The following AAGAB variants were observed in gnomAD, a reference collection of about 807,000 sequenced individuals.
The protein encoded by AAGAB is alpha- and gamma-adaptin-binding protein p34.
In AAGAB, 38 loss-of-function variants were observed where a neutral mutation model predicts 44.1. The observed-to-expected ratio is 0.86, with a 90% CI of 0.67 to 1.13. The LOEUF (loss-of-function observed/expected upper bound fraction) is 1.13. Ranked by LOEUF, AAGAB falls within the 50% of genes most tolerant of loss-of-function variation. The probability of loss-of-function intolerance (pLI) is 0.00; values close to 1 mark genes in which losing one functional copy is unlikely to be tolerated. For synonymous variants in AAGAB, 131 were observed against 131.8 expected (o/e 0.99, Z 0.04); for missense variants, 450 against 373.8 (o/e 1.20, Z -1.68).
At chr15:67,223,958 T>C (rs1411462668) in intron 5 of AAGAB, among the ~76,000 whole-genome samples, 1 of 152,176 alleles carries the variant, frequency 6.6e-6, no homozygotes, top group Non-Finnish European at 1.5e-5. Context: ...CTCATCTCCT[T>C]GCTCAAATCT....
In AAGAB at chr15:67,231,726, T is replaced by C. The variant is rs1027569340; in HGVS notation, c.535+88A>G. ...TTGGAACAAATCTACAGATTTCATA[T>C]AGCACTAATGGTTCCACATATATCT... is the stretch of plus-strand genomic sequence containing the variant. On this transcript the variant is annotated intron_variant, in intron 5 of 9. Coordinates refer to ENST00000261880, the MANE Select transcript of AAGAB (RefSeq NM_024666.5). 10 of 1,036,196 alleles carry C rather than the reference T, an allele frequency of 9.7e-6. No individual in the cohort carries two copies. The African/African-American group carries it at 1.6e-4, about 17-fold the overall frequency. The allele number at this position is 1,036,196 out of a possible 1,614,324, so 64.2% of individuals were successfully genotyped here.
upstream of AAGAB, chr15:67,254,690 G>A: frequency 6.5e-7 from 1 of 1,533,416 alleles, no homozygotes; most frequent in Non-Finnish European, 8.9e-7. Flanking sequence ...CTGCACCACG[G>A]CCGCCGGCGC....
chr15:67,254,840 A>G (rs931169918), upstream of AAGAB: 3 of 1,562,364 alleles, frequency 1.9e-6, no homozygotes, highest in East Asian at 2.3e-5. Context: ...CTCCGGCTGA[A>G]GGTTTCCGTG....
Position 67,254,633 on chromosome 15 carries a change from G to C in AAGAB, c.-2C>G, listed in dbSNP as rs759522737. 10 of 1,592,132 alleles carry C rather than the reference G, an allele frequency of 6.3e-6. No homozygotes were observed. The African/African-American group carries it at 1.1e-4, about 17-fold the overall frequency. On this transcript the variant is annotated 5_prime_UTR_variant, in exon 1 of 10. Transcript: ENST00000261880. ...CGCACAGGGTACGCCAGCAGCCATA[G>C]CTGCGCTCGCGAGCCGGTTCCGTCA...
chr15:67,216,766 GA>G (rs201213148), intron 5 of AAGAB, among the ~76,000 whole-genome samples: 52 of 144,052 alleles, frequency 3.6e-4, no homozygotes, highest in African/African-American at 5.3e-4. Flanking sequence ...ACTTTACCAT[GA>G]AAAAAAAAAA....
chr15:67,240,883 G>T (rs1268702222), intron 1 of AAGAB, among the ~76,000 whole-genome samples: 1 of 152,092 alleles, frequency 6.6e-6, no homozygotes, highest in African/African-American at 2.4e-5. Context: ...TTCCCTCAGA[G>T]AAAGTACAAA....
intron 1 of AAGAB, among the ~76,000 whole-genome samples, chr15:67,243,872 C>T (rs1286424344): frequency 1.3e-5 from 2 of 152,260 alleles, no homozygotes; most frequent in East Asian, 3.9e-4. Context: ...CAAGTGTCTT[C>T]TTTGATTATT....
At chr15:67,235,640 C>G (rs752095468) in intron 4 of AAGAB, among the ~76,000 whole-genome samples, 4 of 152,118 alleles carry the variant, frequency 2.6e-5, no homozygotes, top group African/African-American at 4.8e-5. Context: ...AAATAAGAAA[C>G]ATCAACTTTA....
chr15:67,234,826 A>G (rs529431842), intron 4 of AAGAB, among the ~76,000 whole-genome samples: 1 of 152,298 alleles, frequency 6.6e-6, no homozygotes, highest in South Asian at 2.1e-4. Flanking sequence ...AAACACAGAA[A>G]AAGATGTACA....
intron 9 of AAGAB, 61 bp from the exon 10 acceptor site, chr15:67,202,959 G>C (rs746385072): frequency 6.6e-7 from 1 of 1,510,696 alleles, no homozygotes; most frequent in Non-Finnish European, 9.2e-7. Flanking sequence ...TGTTTCATAT[G>C]TCATACCTTA....
At chr15:67,234,010 A>G (rs918440966) in intron 4 of AAGAB, among the ~76,000 whole-genome samples, 11 of 151,710 alleles carry the variant, frequency 7.3e-5, no homozygotes, top group Admixed American at 7.2e-4. Flanking sequence ...TGGGAGGCCG[A>G]GGCAGGTGGA....
chr15:67,246,280 G>C (rs1964718849), intron 1 of AAGAB, among the ~76,000 whole-genome samples: 1 of 151,854 alleles, frequency 6.6e-6, no homozygotes, highest in African/African-American at 2.4e-5. Flanking sequence ...ACTTGCGGTG[G>C]GGTCGGGGGG....
intron 1 of AAGAB, among the ~76,000 whole-genome samples, chr15:67,239,103 A>G (rs1357052629): frequency 1.3e-5 from 2 of 152,188 alleles, no homozygotes; most frequent in African/African-American, 2.4e-5. Flanking sequence ...GCAAAGTACA[A>G]AGGCAGGGGG....
intron 1 of AAGAB, among the ~76,000 whole-genome samples, chr15:67,245,186 G>A (rs1373128484): frequency 6.6e-6 from 1 of 152,062 alleles, no homozygotes; most frequent in East Asian, 1.9e-4. Flanking sequence ...GAAAACAGAT[G>A]TCCCATGAAA....
At chr15:67,229,424 G>A (rs1964282173) in intron 5 of AAGAB, among the ~76,000 whole-genome samples, 1 of 141,160 alleles carries the variant, frequency 7.1e-6, no homozygotes, top group African/African-American at 2.6e-5. Context: ...CAGAGCGAGA[G>A]TCCGTCTTAA....
In AAGAB at chr15:67,240,641, C is replaced by T. The variant is rs140003480; in HGVS notation, c.74-3821G>A. Among the ~76,000 whole-genome samples the T allele has an allele frequency of 1.9e-3, 286 of 152,302 alleles. 1 individual carries two copies. Among genetic ancestry groups the T allele is most frequent in the Admixed American group, 5.2e-3 (80 of 15,296 alleles). On this transcript the variant is annotated intron_variant, in intron 1 of 9. Coordinates refer to ENST00000261880, the MANE Select transcript of AAGAB (RefSeq NM_024666.5). Reference sequence around the variant, plus strand: ...TAAGTGCAAGTATAAACCTCTATCCCGATTTGAGAAACTTTTTACAAAGCC... The same window carrying T: ...TAAGTGCAAGTATAAACCTCTATCCTGATTTGAGAAACTTTTTACAAAGCC...
intron 4 of AAGAB, among the ~76,000 whole-genome samples, chr15:67,233,920 G>C (rs913507917): frequency 4.6e-5 from 7 of 151,878 alleles, no homozygotes; most frequent in African/African-American, 1.5e-4. Context: ...ATACCAACCT[G>C]CCAACCTAAC....
chr15:67,248,932 T>A (rs1337411714), intron 1 of AAGAB, among the ~76,000 whole-genome samples: 1 of 152,182 alleles, frequency 6.6e-6, no homozygotes, highest in African/African-American at 2.4e-5. Context: ...AACCTTAAAA[T>A]AAGGCTTGAT....
chr15:67,250,885 A>G (rs1199300028), intron 1 of AAGAB, among the ~76,000 whole-genome samples: 3 of 151,918 alleles, frequency 2.0e-5, no homozygotes, highest in Non-Finnish European at 4.4e-5. Flanking sequence ...AAATTACCCG[A>G]GCTTGGTGGT....
Sources: gnomAD v4.1 joint callset for allele counts (sites outside exome capture counted in the v4.1 genomes callset) on GRCh38, gnomAD v4.1.1 for gene constraint, MANE v1.5 for transcripts, NCBI Gene and HGNC (gene_info 2026-07-23, HGNC 2026-07-21) for gene names.